The following EHF variants were observed in gnomAD, a reference collection of about 807,000 sequenced individuals.
EHF encodes the protein ETS homologous factor.
Under a neutral mutation model 45.1 loss-of-function variants are expected in EHF, and 14 were observed. That is an observed-to-expected ratio of 0.31 (90% confidence interval 0.21 to 0.49). The LOEUF (loss-of-function observed/expected upper bound fraction) is 0.49, where lower values mean the gene tolerates loss of function less well. Ranked by LOEUF, EHF falls within the 20% of genes least tolerant of loss-of-function variation. EHF has a pLI of 0.99. For missense variants in EHF, 282 were observed against 371.4 expected, an observed-to-expected ratio of 0.76 and a Z score of 1.98; for synonymous variants, 136 against 131.8, an observed-to-expected ratio of 1.03 and a Z score of -0.22.
intron 1 of EHF, among the ~76,000 whole-genome samples, chr11:34,638,192 G>T (rs548745726): frequency 6.6e-6 from 1 of 152,208 alleles, no homozygotes; most frequent in Non-Finnish European, 1.5e-5. Flanking sequence ...GTGAGCCATC[G>T]CACCCGGTCA....
At chr11:34,635,690 C>CTCTTCCTG (rs1231229010) in intron 1 of EHF, among the ~76,000 whole-genome samples, 2 of 146,312 alleles carry the variant, frequency 1.4e-5, no homozygotes, top group Non-Finnish European at 3.0e-5. Context: ...AGACATGCTG[C>CTCTTCCTG]TCTTCCTGGT....
At chr11:34,646,250 G>C (rs989724505) in intron 2 of EHF, among the ~76,000 whole-genome samples, 189 bp from the exon 3 acceptor site, 1 of 152,120 alleles carries the variant, frequency 6.6e-6, no homozygotes, top group Non-Finnish European at 1.5e-5. Flanking sequence ...TCCTCATCCA[G>C]TGTCCAGGGG....
chr11:34,641,770 A>G (rs1854025632), intron 1 of EHF, among the ~76,000 whole-genome samples: 1 of 152,226 alleles, frequency 6.6e-6, no homozygotes, highest in Admixed American at 6.5e-5. Flanking sequence ...ATACTGGACA[A>G]TTGAAGACAA....
chr11:34,622,268 A>G, intron 1 of EHF: 1 of 310,844 alleles, frequency 3.2e-6, no homozygotes, highest in Non-Finnish European at 6.2e-6. Flanking sequence ...TGTTTTTAAG[A>G]TGGAGAGTGT....
At position 34,662,986 on chromosome 11, in the gene EHF, G is replaced by T. The variant is rs537392358; in HGVS notation, c.*4055G>T. Among the ~76,000 whole-genome samples the T allele has an allele frequency of 6.6e-6, 1 of 152,040 alleles. No homozygotes were observed. Among genetic ancestry groups the T allele is most frequent in the East Asian group, 1.9e-4 (1 of 5,184 alleles). ...TAAAAAAAACTCCTGTTGAGACTGT[G>T]TCTTATGAACCTCTGAAACGTACAA... On this transcript the variant is annotated 3_prime_UTR_variant, in exon 9 of 9. Transcript: ENST00000257831.
chr11:34,649,408 A>G (rs952031245), intron 4 of EHF, among the ~76,000 whole-genome samples: 46 of 152,206 alleles, frequency 3.0e-4, no homozygotes, highest in African/African-American at 1.1e-3. Context: ...AAAAAGTGTC[A>G]GGGGAGTGGC....
chr11:34,658,809 T>G, intron 8 of EHF, 23 bp from the exon 9 acceptor site: 1 of 1,609,472 alleles, frequency 6.2e-7, no homozygotes, highest in Non-Finnish European at 8.5e-7. Flanking sequence ...ATCAGTCACC[T>G]TATGCAATCT....
At chr11:34,623,009 G>A (rs893133405) in intron 1 of EHF, among the ~76,000 whole-genome samples, 9 of 152,054 alleles carry the variant, frequency 5.9e-5, no homozygotes, top group African/African-American at 2.2e-4. Flanking sequence ...TTCAGGCCTC[G>A]TTTGTTATGA....
chr11:34,651,352 G>A (rs560639269), intron 4 of EHF, among the ~76,000 whole-genome samples, 190 bp from the exon 5 acceptor site: 17 of 152,098 alleles, frequency 1.1e-4, no homozygotes, highest in Non-Finnish European at 2.2e-4. Context: ...CCATTTCCCC[G>A]AGGATGCTGA....
At position 34,661,596 on chromosome 11, in the gene EHF, G is replaced by C. The variant is rs926546676; in HGVS notation, c.*2665G>C. Among the ~76,000 whole-genome samples the C allele has an allele frequency of 6.6e-6, 1 of 152,150 alleles. No homozygotes were observed. Among genetic ancestry groups the C allele is most frequent in the African/African-American group, 2.4e-5 (1 of 41,450 alleles). Reference sequence around the variant, plus strand: ...TCTCAGCATATCTCTCTATTGTCTTGACTTGAGTTTGCTGCATTTTCTATG... The same window carrying C: ...TCTCAGCATATCTCTCTATTGTCTTCACTTGAGTTTGCTGCATTTTCTATG... On this transcript the variant is annotated 3_prime_UTR_variant, in exon 9 of 9. Transcript: ENST00000257831.
rs1452973859 is a variant in EHF at position 34,658,547 on chromosome 11, C to A, written c.622C>A (p.His208Asn). ...HTKKHNPRGT[H>N]LWEFIRDILL... is the part of the protein sequence containing the mutation. ...CTTTTCATCAGACCCGAGAGGGACT[C>A]ACTTATGGGAATTCATCCGCGACAT... Residue 208 changes from histidine to asparagine, a missense_variant, in exon 8 of 9, where the codon CAC becomes AAC. By Grantham distance (68) the His-to-Asn change is moderately conservative. This residue lies in a region of EHF where 41 missense variants were observed against 87.0 expected (regional missense o/e 0.47). Transcript: ENST00000257831. 6.2e-7 allele frequency: 1 copy of A among 1,613,212 alleles called. No homozygotes were observed. Among genetic ancestry groups the A allele is most frequent in the Non-Finnish European group, 8.5e-7 (1 of 1,179,526 alleles).
At chr11:34,626,736 T>A (rs1165861903) in intron 1 of EHF, among the ~76,000 whole-genome samples, 1 of 152,194 alleles carries the variant, frequency 6.6e-6, no homozygotes, top group Non-Finnish European at 1.5e-5. Flanking sequence ...TGCATGTGTA[T>A]CTGAAGGGGT....
chr11:34,658,401 T>A (rs1855856437), intron 7 of EHF, 132 bp from the exon 8 acceptor site: 1 of 694,824 alleles, frequency 1.4e-6, no homozygotes, highest in Admixed American at 2.7e-5. Flanking sequence ...GATTCTGCGA[T>A]CCATCTTCCC....
intron 6 of EHF, among the ~76,000 whole-genome samples, chr11:34,653,063 C>G (rs1285184755): frequency 6.6e-6 from 1 of 152,178 alleles, no homozygotes; most frequent in African/African-American, 2.4e-5. Flanking sequence ...TCAGTCAAGA[C>G]CATGGGGTTC....
At chr11:34,631,845 AGT>A (rs1852918088) in intron 1 of EHF, among the ~76,000 whole-genome samples, 1 of 152,024 alleles carries the variant, frequency 6.6e-6, no homozygotes, top group African/African-American at 2.4e-5. Context: ...CATTTAGAAG[AGT>A]GTGGTTTTGG....
intron 4 of EHF, 144 bp downstream of exon 4, chr11:34,649,225 C>A: frequency 1.3e-6 from 1 of 757,282 alleles, no homozygotes; most frequent in Non-Finnish European, 2.2e-6. Context: ...TGATGGGCCA[C>A]CCCCACCATG....
intron 1 of EHF, among the ~76,000 whole-genome samples, chr11:34,628,961 G>A (rs117793534): frequency 6.6e-6 from 1 of 152,286 alleles, no homozygotes; most frequent in African/African-American, 2.4e-5. Flanking sequence ...GGCCCTGCAT[G>A]TTCCTTTTAC....
At chr11:34,621,493 G>A (rs1025754472) in intron 1 of EHF, among the ~76,000 whole-genome samples, 2 of 152,264 alleles carry the variant, frequency 1.3e-5, no homozygotes, top group African/African-American at 4.8e-5. Flanking sequence ...AAGCCCCCTC[G>A]TTTCCCTATG....
intron 1 of EHF, chr11:34,622,289 G>A (rs924181561): frequency 2.2e-6 from 1 of 445,384 alleles, no homozygotes; most frequent in Non-Finnish European, 3.9e-6. Flanking sequence ...ATGCTTCTGG[G>A]TTCAAGTTCA....
Sources: gnomAD v4.1 joint callset for allele counts (sites outside exome capture counted in the v4.1 genomes callset) on GRCh38, gnomAD v4.1.1 for gene constraint, gnomAD v4.1.1 regional missense constraint, MANE v1.5 for transcripts, NCBI Gene and HGNC (gene_info 2026-07-23, HGNC 2026-07-21) for gene names.